Variants in MYH14 observed in about 807,000 individuals in gnomAD.
MYH14 encodes the protein myosin-14.
Under a neutral mutation model 255.5 loss-of-function variants are expected in MYH14, and 123 were observed. The observed-to-expected ratio is 0.48, with a 90% CI of 0.42 to 0.56. MYH14 has a LOEUF of 0.56. MYH14 is among the 20% of genes least tolerant of loss of function. The pLI is 0.00. For missense variants in MYH14, 2,423 were observed against 2,802.3 expected (o/e 0.86, Z 3.06); for synonymous variants, 1,095 against 1,161.2 (o/e 0.94, Z 1.16).
chr19:50,276,937 CG>C lies in MYH14; in HGVS notation c.3825+40del, dbSNP rs748580207. 7.0e-6 allele frequency: 5 copies of C among 713,684 alleles called. No individual in the cohort carries two copies. The South Asian group carries it at 8.6e-5, about 12-fold the overall frequency. The allele number at this position is 713,684 out of a possible 1,614,324, so 44.2% of individuals were successfully genotyped here. ...GCAGGGGGACAGGGCAGGGGGGCCA[CG>C]GGGAGGGCAGGGCAGGACGCGGGGT... On this transcript the variant is annotated intron_variant, in intron 29 of 42. Coordinates refer to ENST00000642316, the MANE Select transcript of MYH14 (RefSeq NM_001145809.2). This position sits in a 1 kb window ranked among gnomAD's most constrained non-coding sequence, Gnocchi z 4.3.
In MYH14 at chr19:50,272,735, C is replaced by T. The variant is rs1264357621; in HGVS notation, c.3467+4C>T. Reference sequence around the variant, plus strand: ...AGCTGCAGGCTGCCCTGGCCAGGTGCAGGGTGGGGTGGGCTTGGTGGGGTA... The same window carrying T: ...AGCTGCAGGCTGCCCTGGCCAGGTGTAGGGTGGGGTGGGCTTGGTGGGGTA... On this transcript the variant is annotated splice_donor_region_variant and intron_variant, in intron 27 of 42. Coordinates refer to ENST00000642316, the MANE Select transcript of MYH14 (RefSeq NM_001145809.2). The T allele has an allele frequency of 3.9e-6, 6 of 1,549,764 alleles. No individual in the cohort carries two copies. Among genetic ancestry groups the T allele is most frequent in the Admixed American group, 2.0e-5 (1 of 51,026 alleles).
At chr19:50,236,449 C>T (rs1241119132) in intron 10 of MYH14, among the ~76,000 whole-genome samples, 1 of 152,164 alleles carries the variant, frequency 6.6e-6, no homozygotes, top group African/African-American at 2.4e-5. Flanking sequence ...GTGGCTCACA[C>T]CTGTAATCCC....
In MYH14 at chr19:50,230,630, G is replaced by T; in HGVS notation, c.973+7G>T. 6.4e-7 allele frequency: 1 copy of T among 1,556,250 alleles called. No individual in the cohort carries two copies. Among genetic ancestry groups the T allele is most frequent in the Non-Finnish European group, 8.7e-7 (1 of 1,149,988 alleles). ...GCTGGAGAGCAGCTCAAAGGTCAGTGCCGCCCCGTCCTACCCTGCTCACCC... is the reference window on the plus strand; with the variant it reads ...GCTGGAGAGCAGCTCAAAGGTCAGTTCCGCCCCGTCCTACCCTGCTCACCC... On this transcript the variant is annotated splice_region_variant and intron_variant, in intron 9 of 42. Transcript: ENST00000642316. This position sits in a 1 kb window ranked among gnomAD's most constrained non-coding sequence, Gnocchi z 4.7.
intron 36 of MYH14, 27 bp downstream of exon 36, chr19:50,291,075 G>A (rs367548703): frequency 6.2e-7 from 1 of 1,608,520 alleles, no homozygotes; most frequent in Admixed American, 1.7e-5. Context: ...GCTGCAGGGA[G>A]GGGAGGCTTT....
Position 50,250,452 on chromosome 19 carries a change from C to T in MYH14, c.1657-63C>T, listed in dbSNP as rs982580631. 5.9e-6 allele frequency: 9 copies of T among 1,519,714 alleles called. No individual in the cohort carries two copies. The African/African-American group carries it at 1.1e-4, about 19-fold the overall frequency. The allele number at this position is 1,519,714 out of a possible 1,614,324, so 94.1% of individuals were successfully genotyped here. A position where few individuals can be genotyped will look rare whatever the true frequency, so the allele number is the denominator to read the frequency against. On this transcript the variant is annotated intron_variant, in intron 14 of 42. Coordinates refer to ENST00000642316, the MANE Select transcript of MYH14 (RefSeq NM_001145809.2). This position sits in a 1 kb window ranked among gnomAD's most constrained non-coding sequence, Gnocchi z 5.4. Reference sequence around the variant, plus strand: ...GTGACTTATAAGAGCTAAAAATCAGCAGCCACCTGAGTGTCCAATATGTGG... The same window carrying T: ...GTGACTTATAAGAGCTAAAAATCAGTAGCCACCTGAGTGTCCAATATGTGG...
chr19:50,209,796 AAAAG>A (rs2032056209), intron 1 of MYH14, among the ~76,000 whole-genome samples: 1 of 147,528 alleles, frequency 6.8e-6, no homozygotes, highest in Non-Finnish European at 1.5e-5. Flanking sequence ...AAAAAAAAAA[AAAAG>A]AAAATAATTA....
At chr19:50,205,722 G>A (rs1054703799) in intron 1 of MYH14, among the ~76,000 whole-genome samples, 6 of 152,218 alleles carry the variant, frequency 3.9e-5, no homozygotes, top group Admixed American at 3.3e-4. Flanking sequence ...GGGTCCTGGG[G>A]GAGGAAAGGA....
Position 50,293,478 on chromosome 19 carries a change from C to A in MYH14, c.5346-86C>A. On this transcript the variant is annotated intron_variant, in intron 38 of 42. Transcript: ENST00000642316. This position sits in a 1 kb window ranked among gnomAD's most constrained non-coding sequence, Gnocchi z 4.1. ...TGTGAGGCTGGGGAGATGCGTGGGG[C>A]TAACCACAGGGTCCTGTAGTGTGAG... is the stretch of plus-strand genomic sequence containing the variant. The A allele has an allele frequency of 6.4e-7, 1 of 1,573,154 alleles. No individual in the cohort carries two copies. The highest frequency in any genetic ancestry group is 2.3e-5 in the East Asian group (1 of 43,188).
chr19:50,263,553 C>A, intron 22 of MYH14, 133 bp downstream of exon 22: 1 of 515,168 alleles, frequency 1.9e-6, no homozygotes, highest in Non-Finnish European at 3.3e-6. Flanking sequence ...TCGGCCCAGG[C>A]TTTGCTAGCT....
In MYH14 at chr19:50,225,677, C is replaced by T. The variant is rs374146214; in HGVS notation, c.810C>T (p.Phe270=). Reference sequence around the variant, plus strand: ...TGAAGAATGACAACTCCTCCCGATTCGTGAGTGCCAGGGGTGGGCAGTGCT... The same window carrying T: ...TGAAGAATGACAACTCCTCCCGATTTGTGAGTGCCAGGGGTGGGCAGTGCT... ...KTVKNDNSSR[F]GKFIRINFDV... is the part of the protein sequence containing the mutation. Residue 270 remains phenylalanine, a splice_region_variant and synonymous_variant, in exon 7 of 43, where the codon TTC becomes TTT. Transcript: ENST00000642316. 236 of 1,612,660 alleles carry T rather than the reference C, an allele frequency of 1.5e-4. No individual in the cohort carries two copies. The highest frequency in any genetic ancestry group is 4.3e-4 in the Admixed American group (26 of 59,936).
chr19:50,284,279 C>T (rs967798678), intron 33 of MYH14, among the ~76,000 whole-genome samples: 1 of 151,936 alleles, frequency 6.6e-6, no homozygotes, highest in Non-Finnish European at 1.5e-5. Context: ...ATAGATTGTG[C>T]TTTTAGTATT....
intron 39 of MYH14, among the ~76,000 whole-genome samples, chr19:50,300,169 A>G (rs921439687): frequency 3.3e-5 from 5 of 152,114 alleles, no homozygotes; most frequent in African/African-American, 7.2e-5. Context: ...TGGAAGGGCA[A>G]AGTTCTCTTT....
intron 22 of MYH14, 60 bp downstream of exon 22, chr19:50,263,480 C>A: frequency 7.9e-7 from 1 of 1,273,618 alleles, no homozygotes; most frequent in Non-Finnish European, 1.1e-6. Flanking sequence ...GGGGCTTGGT[C>A]TGCTTGACAA....
chr19:50,223,126 G>A lies in MYH14; in HGVS notation c.590+16G>A. 6.2e-7 allele frequency: 1 copy of A among 1,613,642 alleles called. No individual in the cohort carries two copies. Among genetic ancestry groups the A allele is most frequent in the Non-Finnish European group, 8.5e-7 (1 of 1,179,558 alleles). Reference sequence around the variant, plus strand: ...TTCTCTGCACGTGAGTAATCTGGAAGGACTTCCTGGAGGAGGAGAGGTCTG... The same window carrying A: ...TTCTCTGCACGTGAGTAATCTGGAAAGACTTCCTGGAGGAGGAGAGGTCTG... On this transcript the variant is annotated intron_variant, in intron 4 of 42. Coordinates refer to ENST00000642316, the MANE Select transcript of MYH14 (RefSeq NM_001145809.2).
intron 10 of MYH14, among the ~76,000 whole-genome samples, chr19:50,238,291 C>T (rs988932225): frequency 3.9e-5 from 6 of 152,204 alleles, no homozygotes; most frequent in African/African-American, 1.4e-4. Flanking sequence ...ACAAACACAG[C>T]TTCCTAAGCC....
intron 11 of MYH14, among the ~76,000 whole-genome samples, chr19:50,246,608 G>T (rs915171637): frequency 6.8e-6 from 1 of 147,470 alleles, no homozygotes; most frequent in Non-Finnish European, 1.5e-5. Context: ...GGTGATAAGA[G>T]CCAAACTCTG....
At chr19:50,281,881 GTCCATCTACGCT>G in intron 33 of MYH14, 39 bp downstream of exon 33, 2 of 1,593,856 alleles carry the variant, frequency 1.3e-6, no homozygotes, top group Non-Finnish European at 1.7e-6. Flanking sequence ...GAATCAGCAA[GTCCATCTACGCT>G]TCCCATGGTC....
At chr19:50,236,528 T>C (rs1380038116) in intron 10 of MYH14, among the ~76,000 whole-genome samples, 1 of 151,592 alleles carries the variant, frequency 6.6e-6, no homozygotes, top group Non-Finnish European at 1.5e-5. Context: ...ACCAACATGG[T>C]GAAACCCTGT....
At chr19:50,300,464 T>G (rs1451807657) in intron 39 of MYH14, among the ~76,000 whole-genome samples, 1 of 152,184 alleles carries the variant, frequency 6.6e-6, no homozygotes, top group East Asian at 1.9e-4. Context: ...ATAAAAAGTT[T>G]GAGGCCGGGC....
Sources: allele counts gnomAD v4.1 joint callset (sites outside exome capture counted in the v4.1 genomes callset), GRCh38; gene constraint gnomAD v4.1.1; non-coding constraint Gnocchi (gnomAD v3.1); transcripts MANE v1.5; gene names NCBI Gene and HGNC (gene_info 2026-07-23, HGNC 2026-07-21).